IRS1: variants seen among roughly 807,000 people sequenced by gnomAD.
IRS1 encodes insulin receptor substrate 1.
In IRS1, 34 loss-of-function variants were observed where a neutral mutation model predicts 65.6. That is an observed-to-expected ratio of 0.52 (90% CI 0.39 to 0.69). IRS1 has a LOEUF of 0.69. Ranked by LOEUF, IRS1 falls within the 30% of genes least tolerant of loss-of-function variation. The pLI, the probability that IRS1 is intolerant of heterozygous loss-of-function variation, is 0.00. For missense variants in IRS1, 1,641 were observed against 1,720.2 expected (o/e 0.95, Z 0.81); for synonymous variants, 699 against 683.5 (o/e 1.02, Z -0.35).
intron 1 of IRS1, among the ~76,000 whole-genome samples, chr2:226,765,377 C>G (rs1939012125): frequency 1.3e-5 from 2 of 152,218 alleles, no homozygotes; most frequent in Non-Finnish European, 2.9e-5. Context: ...AAAACTCTTA[C>G]TGAATCACTA....
At chr2:226,776,414 G>A (rs1347020084) in intron 1 of IRS1, among the ~76,000 whole-genome samples, 2 of 152,268 alleles carry the variant, frequency 1.3e-5, no homozygotes, top group Non-Finnish European at 2.9e-5. Context: ...ATTGTGGGTT[G>A]TGTATTGTGA....
chr2:226,765,208 G>A (rs147413230), intron 1 of IRS1, among the ~76,000 whole-genome samples: 2,428 of 152,226 alleles, frequency 0.016, 46 homozygotes, highest in Non-Finnish European at 0.02. Flanking sequence ...AGTAGTTGGG[G>A]CTATAGGCAT....
In IRS1 at chr2:226,732,611, C is replaced by T. The variant is rs2106154621; in HGVS notation, c.*3661G>A. The stretch of plus-strand genomic sequence containing the variant: ...GTATATATTCATCTATATATACACA[C>T]ACACATCCCACACACACGTCACATA... On this transcript the variant is annotated 3_prime_UTR_variant, in exon 2 of 2. Coordinates refer to ENST00000305123, the MANE Select transcript of IRS1 (RefSeq NM_005544.3). 6.6e-6 allele frequency: 1 copy of T among 150,548 alleles called. No homozygotes were observed. The highest frequency in any genetic ancestry group is 2.1e-4 in the South Asian group (1 of 4,790). The allele number at this position is 150,548 out of a possible 1,614,324, so 9.3% of individuals were successfully genotyped here. A position where few individuals can be genotyped will look rare whatever the true frequency, so the allele number is the denominator to read the frequency against.
intron 1 of IRS1, among the ~76,000 whole-genome samples, chr2:226,763,869 T>C (rs915782232): frequency 2.0e-5 from 3 of 152,338 alleles, no homozygotes; most frequent in African/African-American, 4.8e-5. Flanking sequence ...CTTTTCTTCA[T>C]TGTGGAAACC....
At chr2:226,737,724 C>G (rs1341075252) in intron 1 of IRS1, among the ~76,000 whole-genome samples, 1 of 152,154 alleles carries the variant, frequency 6.6e-6, no homozygotes, top group Non-Finnish European at 1.5e-5. Flanking sequence ...ATCCTCCCAG[C>G]TAGGGGTGTA....
chr2:226,778,140 C>T lies in IRS1; in HGVS notation c.*21+16849G>A, dbSNP rs532619689. On this transcript the variant is annotated intron_variant, in intron 1 of 1. Coordinates refer to ENST00000305123, the MANE Select transcript of IRS1 (RefSeq NM_005544.3). ...CTTCTGCATATTTAAATATGGTCAT[C>T]GTGTTTTATTTTAAATTTGTTTTTA... Among the ~76,000 whole-genome samples, 74 of 152,080 alleles carry T rather than the reference C, an allele frequency of 4.9e-4. 1 individual carries two copies. Among genetic ancestry groups the T allele is most frequent in the South Asian group, 3.9e-3 (19 of 4,812 alleles).
rs750610264 is a variant in IRS1 at position 226,794,988 on chromosome 2, C to T, written c.*21+1G>A. ...TCTGACTTTGTCACCATGAAACGCA[C>T]CTGCTGTGATGTCCAGTTGAGCTAC... On this transcript the variant is annotated splice_donor_variant, in intron 1 of 1. Transcript: ENST00000305123. LOFTEE classifies it low-confidence loss of function (3UTR_SPLICE). The surrounding 1 kb of genome is among the most constrained non-coding windows in gnomAD (Gnocchi z 4.1). 1.9e-6 allele frequency: 3 copies of T among 1,612,882 alleles called. No individual in the cohort carries two copies. Among genetic ancestry groups the T allele is most frequent in the Admixed American group, 1.7e-5 (1 of 60,028 alleles).
chr2:226,756,921 C>T (rs1938814851), intron 1 of IRS1, among the ~76,000 whole-genome samples: 1 of 151,752 alleles, frequency 6.6e-6, no homozygotes, highest in African/African-American at 2.4e-5. Context: ...GAAATCACGC[C>T]ACTGCACTCC....
In IRS1 at chr2:226,796,867, A is replaced by T. The variant is rs776071984; in HGVS notation, c.1872T>A (p.Ser624Arg). The T allele has an allele frequency of 6.5e-7, 1 of 1,539,134 alleles. No homozygotes were observed. Among genetic ancestry groups the T allele is most frequent in the Non-Finnish European group, 8.8e-7 (1 of 1,141,758 alleles). ...PMSPGVAPVP[S>R]GRKGSGDYMP... is the part of the protein sequence containing the mutation. ...TATAGTCTCCACTGCCCTTTCGGCC[A>T]CTGGGCACTGGGGCCACCCCTGGGG... The change falls in exon 1 of 2, where the codon AGT becomes AGA. Residue 624 changes from serine to arginine, a missense_variant. Physicochemically the swap from Ser to Arg is moderately radical, Grantham distance 110 (BLOSUM62 -1). This residue lies in a region of IRS1 where 1,324 missense variants were observed against 1,361.0 expected (regional missense o/e 0.97). Transcript: ENST00000305123.
chr2:226,798,795 G>C lies in IRS1; in HGVS notation c.-57C>G, dbSNP rs1192319129. 2.0e-5 allele frequency: 32 copies of C among 1,566,686 alleles called. No individual in the cohort carries two copies. In the East Asian group the frequency reaches 6.2e-4, roughly 30 times the overall value. ...GGGAGGCTCCGAAAAACAACCGGGT[G>C]GGGGGCGGAGGCTCCTCGCCGCGGC... On this transcript the variant is annotated 5_prime_UTR_variant, in exon 1 of 2. Transcript: ENST00000305123. This position sits in a 1 kb window ranked among gnomAD's most constrained non-coding sequence, Gnocchi z 9.4.
In IRS1 at chr2:226,796,762, G is replaced by A. The variant is rs371376079; in HGVS notation, c.1977C>T (p.Pro659=). Residue 659 remains proline, a synonymous_variant, in exon 1 of 2, where the codon CCC becomes CCT. Transcript: ENST00000305123. ...PIRRHPQRVD[P]NGYMMMSPSG... ...TGGGGGACATCATCATGTAGCCATTGGGGTCCACTCTCTGGGGATGGCGTC... is the reference window on the plus strand; with the variant it reads ...TGGGGGACATCATCATGTAGCCATTAGGGTCCACTCTCTGGGGATGGCGTC... The A allele has an allele frequency of 6.2e-7, 1 of 1,602,320 alleles. No individual in the cohort carries two copies. The highest frequency in any genetic ancestry group is 2.2e-5 in the East Asian group (1 of 44,718).
chr2:226,796,863 G>A lies in IRS1; in HGVS notation c.1876C>T (p.Arg626Ter), dbSNP rs993467904. ...SPGVAPVPSG[R>*]KGSGDYMPMS... is the part of the protein sequence containing the mutation. ...GGCATATAGTCTCCACTGCCCTTTC[G>A]GCCACTGGGCACTGGGGCCACCCCT... Residue 626 changes from arginine to a stop codon, truncating the protein, a stop_gained, in exon 1 of 2, where the codon CGA becomes TGA. Transcript: ENST00000305123. LOFTEE classifies it high-confidence loss of function. 2.6e-6 allele frequency: 4 copies of A among 1,539,470 alleles called. No homozygotes were observed. The highest frequency in any genetic ancestry group is 2.5e-5 in the South Asian group (2 of 78,520).
chr2:226,762,933 C>T (rs1938946701), intron 1 of IRS1, among the ~76,000 whole-genome samples: 1 of 152,130 alleles, frequency 6.6e-6, no homozygotes, highest in African/African-American at 2.4e-5. Context: ...TCTGCCAGAG[C>T]GTTAACAGGC....
In IRS1 at chr2:226,798,155, A is replaced by T. The variant is rs756693698; in HGVS notation, c.584T>A (p.Val195Glu). The change falls in exon 1 of 2, where the codon GTG becomes GAG. Residue 195 changes from valine (V) to glutamate (E), a missense_variant. Physicochemically the swap from Val to Glu is moderately radical, Grantham distance 121. Transcript: ENST00000305123. This position sits in a 1 kb window ranked among gnomAD's most constrained non-coding sequence, Gnocchi z 9.4. ...LCLTSKTISF[V>E]KLNSEAAAVV... ...GGCCGCTGCCTCCGAGTTCAGCTTC[A>T]CGAAGCTGATGGTCTTGCTGGTCAG... 1 of 1,614,032 alleles carries T rather than the reference A, an allele frequency of 6.2e-7. No individual in the cohort carries two copies.
intron 1 of IRS1, among the ~76,000 whole-genome samples, chr2:226,749,037 C>T (rs1034924487): frequency 6.6e-5 from 10 of 152,098 alleles, no homozygotes; most frequent in Non-Finnish European, 1.3e-4. Context: ...TAGCCTGAGA[C>T]GCTGACAAAA....
chr2:226,791,018 T>C (rs1401584106), intron 1 of IRS1, among the ~76,000 whole-genome samples: 1 of 152,198 alleles, frequency 6.6e-6, no homozygotes, highest in East Asian at 1.9e-4. Flanking sequence ...CACCGGGTTC[T>C]CAGGATCTGC....
intron 1 of IRS1, among the ~76,000 whole-genome samples, chr2:226,749,304 T>C (rs935650225): frequency 6.6e-6 from 1 of 152,168 alleles, no homozygotes; most frequent in African/African-American, 2.4e-5. Flanking sequence ...TTGGAAAGCC[T>C]TACCCTTTAG....
At chr2:226,792,939 A>C (rs574834330) in intron 1 of IRS1, among the ~76,000 whole-genome samples, 1 of 152,196 alleles carries the variant, frequency 6.6e-6, no homozygotes, top group Non-Finnish European at 1.5e-5. Flanking sequence ...CAACACAAAC[A>C]TCTCAAATAC....
At chr2:226,790,898 T>C (rs1939579739) in intron 1 of IRS1, among the ~76,000 whole-genome samples, 3 of 152,310 alleles carry the variant, frequency 2.0e-5, no homozygotes, top group Non-Finnish European at 2.9e-5. Context: ...CCAGCCTAAA[T>C]TGACGGGCTG....
Sources: gnomAD v4.1 joint callset for allele counts (sites outside exome capture counted in the v4.1 genomes callset) on GRCh38, gnomAD v4.1.1 for gene constraint, gnomAD v4.1.1 regional missense constraint, Gnocchi (gnomAD v3.1) non-coding constraint, MANE v1.5 for transcripts, NCBI Gene and HGNC (gene_info 2026-07-23, HGNC 2026-07-21) for gene names.